Variants in WDR70 observed in about 807,000 individuals in gnomAD.
WDR70 encodes the protein WD repeat domain 70.
In WDR70, 53 loss-of-function variants were observed where a neutral mutation model predicts 88.6. The observed-to-expected ratio is 0.60, with a 90% CI of 0.48 to 0.75. The LOEUF (loss-of-function observed/expected upper bound fraction) is 0.75, where lower values mean the gene tolerates loss of function less well. WDR70 is among the 30% of genes least tolerant of loss of function. The pLI is 0.00. For missense variants in WDR70, 610 were observed against 823.2 expected (o/e 0.74, Z 3.17); for synonymous variants, 280 against 270.0 (o/e 1.04, Z -0.36).
intron 9 of WDR70, among the ~76,000 whole-genome samples, chr5:37,557,574 T>C (rs1375099971): frequency 1.3e-5 from 2 of 152,178 alleles, no homozygotes; most frequent in Non-Finnish European, 2.9e-5. Context: ...ACTTGGTTTT[T>C]GTGTGGGAAT....
intron 9 of WDR70, among the ~76,000 whole-genome samples, chr5:37,527,603 A>T (rs1741327561): frequency 6.6e-6 from 1 of 152,228 alleles, no homozygotes; most frequent in African/African-American, 2.4e-5. Flanking sequence ...CAACAAAAGC[A>T]ATGGCAATGA....
chr5:37,603,997 G>A (rs964231474), intron 9 of WDR70, among the ~76,000 whole-genome samples: 4 of 152,048 alleles, frequency 2.6e-5, no homozygotes, highest in African/African-American at 9.7e-5. Flanking sequence ...AAGTACATTA[G>A]TGCATTGTTT....
intron 9 of WDR70, among the ~76,000 whole-genome samples, chr5:37,587,023 A>G (rs1743383165): frequency 6.6e-6 from 1 of 152,096 alleles, no homozygotes; most frequent in African/African-American, 2.4e-5. Flanking sequence ...ACCTCAAAGT[A>G]ATGTTTTCTC....
At chr5:37,591,853 A>G (rs1238936879) in intron 9 of WDR70, among the ~76,000 whole-genome samples, 2 of 152,254 alleles carry the variant, frequency 1.3e-5, no homozygotes, top group Non-Finnish European at 2.9e-5. Flanking sequence ...ATTTAAACCA[A>G]GAGTGCAAAG....
At chr5:37,653,699 TC>T (rs1195600380) in intron 10 of WDR70, among the ~76,000 whole-genome samples, 4 of 152,260 alleles carry the variant, frequency 2.6e-5, no homozygotes, top group Non-Finnish European at 5.9e-5. Flanking sequence ...TTTGGCTATT[TC>T]TTCTAGATTT....
intron 10 of WDR70, among the ~76,000 whole-genome samples, chr5:37,638,389 T>C (rs1340448766): frequency 6.6e-6 from 1 of 152,194 alleles, no homozygotes; most frequent in Admixed American, 6.5e-5. Flanking sequence ...CTGCTGCTTA[T>C]TAGCTGATTG....
intron 3 of WDR70, among the ~76,000 whole-genome samples, chr5:37,384,394 C>T (rs908930009): frequency 1.3e-5 from 2 of 151,856 alleles, no homozygotes; most frequent in East Asian, 1.9e-4. Flanking sequence ...GTTGGCCAGG[C>T]GCAGTGGATC....
At chr5:37,491,472 A>T (rs112690928) in intron 8 of WDR70, among the ~76,000 whole-genome samples, 1 of 152,202 alleles carries the variant, frequency 6.6e-6, no homozygotes, top group African/African-American at 2.4e-5. Context: ...CATGAAAGCA[A>T]TTCTCTGCCA....
intron 5 of WDR70, among the ~76,000 whole-genome samples, chr5:37,405,567 G>A (rs7715310): frequency 2.0e-5 from 3 of 152,024 alleles, no homozygotes; most frequent in African/African-American, 7.3e-5. Flanking sequence ...TAGCTGTGCC[G>A]ATAATCAGAA....
intron 10 of WDR70, among the ~76,000 whole-genome samples, chr5:37,668,514 G>A (rs961110421): frequency 2.0e-5 from 3 of 152,194 alleles, no homozygotes; most frequent in African/African-American, 7.2e-5. Flanking sequence ...ATACCAACTG[G>A]TCTCAACTAG....
chr5:37,528,427 A>C (rs533960298), intron 9 of WDR70, among the ~76,000 whole-genome samples: 41 of 152,126 alleles, frequency 2.7e-4, no homozygotes, highest in Non-Finnish European at 5.3e-4. Flanking sequence ...GCAACTGAAC[A>C]ATGAGAACCC....
chr5:37,527,385 G>T (rs1741317471), intron 9 of WDR70, among the ~76,000 whole-genome samples: 1 of 152,160 alleles, frequency 6.6e-6, no homozygotes, highest in African/African-American at 2.4e-5. Flanking sequence ...AATGGGGAAA[G>T]GATTCCCTAT....
chr5:37,451,199 A>T (rs1158049914), intron 7 of WDR70, among the ~76,000 whole-genome samples: 2 of 151,704 alleles, frequency 1.3e-5, no homozygotes, highest in African/African-American at 4.8e-5. Context: ...CCTCTGGCCT[A>T]TTTTTTTCAA....
chr5:37,661,594 C>A (rs1260105909), intron 10 of WDR70, among the ~76,000 whole-genome samples: 1 of 152,118 alleles, frequency 6.6e-6, no homozygotes, highest in Admixed American at 6.5e-5. Context: ...ATTCGGGGAT[C>A]AGAGTTTTTA....
In WDR70 at chr5:37,396,429, A is replaced by T; in HGVS notation, c.351A>T (p.Leu117Phe). The T allele has an allele frequency of 1.2e-6, 2 of 1,613,912 alleles. No individual in the cohort carries two copies. The highest frequency in any genetic ancestry group is 1.3e-5 in the African/African-American group (1 of 75,024). The change falls in exon 5 of 18, where the codon TTA becomes TTT. Residue 117 changes from leucine to phenylalanine, a missense_variant. This residue lies in a region of WDR70 where 203 missense variants were observed against 228.1 expected (regional missense o/e 0.89). Transcript: ENST00000265107. Reference sequence around the variant, plus strand: ...GTTCTGACTCTTCTGATGATGAGTTAATTGGCCCTCCTTTACCCCCTAAAA... The same window carrying T: ...GTTCTGACTCTTCTGATGATGAGTTTATTGGCCCTCCTTTACCCCCTAAAA... ...EQSSDSSDDE[L>F]IGPPLPPKMV...
At chr5:37,517,311 A>G (rs1215582100) in intron 9 of WDR70, among the ~76,000 whole-genome samples, 4 of 152,190 alleles carry the variant, frequency 2.6e-5, no homozygotes, top group Non-Finnish European at 5.9e-5. Context: ...TGTGTATGTC[A>G]GTTCATACAT....
At chr5:37,461,290 C>T (rs1032229310) in intron 7 of WDR70, among the ~76,000 whole-genome samples, 4 of 152,090 alleles carry the variant, frequency 2.6e-5, no homozygotes, top group South Asian at 2.1e-4. Context: ...TTCTTATTTA[C>T]GCTCTCTGCC....
intron 7 of WDR70, among the ~76,000 whole-genome samples, chr5:37,460,686 A>G (rs1482910945): frequency 4.6e-5 from 1 of 21,660 alleles, no homozygotes; most frequent in African/African-American, 8.5e-5. Context: ...AACTTAGAGT[A>G]TAATAAAAAA....
Position 37,407,291 on chromosome 5 carries a change from G to T in WDR70, c.492+10721G>T, listed in dbSNP as rs1434910797. 5.9e-5 allele frequency among the ~76,000 whole-genome samples: 9 copies of T among 152,228 alleles called. No individual in the cohort carries two copies. In the East Asian group the frequency reaches 9.7e-4, roughly 16 times the overall value. On this transcript the variant is annotated intron_variant, in intron 5 of 17. Transcript: ENST00000265107. ...AATCCCAGCACTTGGGGAGGTCAAG[G>T]GGGGCTGGATCACCTGAGCTCAGGA...
Sources: allele counts gnomAD v4.1 joint callset (sites outside exome capture counted in the v4.1 genomes callset), GRCh38; gene constraint gnomAD v4.1.1; regional missense constraint gnomAD v4.1.1; transcripts MANE v1.5; gene names NCBI Gene and HGNC (gene_info 2026-07-23, HGNC 2026-07-21).